The following SLC35E4 variants were observed in gnomAD, a reference collection of about 807,000 sequenced individuals.
The protein encoded by SLC35E4 is solute carrier family 35 member E4, also known as solute carrier family 35, member E4.
SLC35E4 carries 15 observed loss-of-function variants against 19.3 expected under a neutral mutation model. The observed-to-expected ratio is 0.78, with a 90% confidence interval of 0.52 to 1.20. The LOEUF is 1.20. Among genes scored for constraint, SLC35E4 ranks in the 50% most tolerant of loss-of-function variants. The pLI, the probability that SLC35E4 is intolerant of heterozygous loss-of-function variation, is 0.00. For synonymous variants in SLC35E4, 219 were observed against 219.9 expected (o/e 1.00, Z 0.04); for missense variants, 406 against 472.3 (o/e 0.86, Z 1.30).
Position 30,636,604 on chromosome 22 carries a change from G to T in SLC35E4, c.154G>T (p.Ala52Ser). Residue 52 changes from alanine (A) to serine (S), a missense_variant, in exon 1 of 2, where the codon GCA becomes TCA. Coordinates refer to ENST00000343605, the MANE Select transcript of SLC35E4 (RefSeq NM_001001479.4). ...RQPGRARVAM[A>S]ALVWLLAGAS... ...GCCTGGCCGGGCCCGAGTGGCCATG[G>T]CAGCACTGGTGTGGCTGCTGGCGGG... The T allele has an allele frequency of 6.2e-7, 1 of 1,608,774 alleles. No homozygotes were observed. The highest frequency in any genetic ancestry group is 1.3e-5 in the African/African-American group (1 of 74,920).
At chr22:30,642,729 CAA>C (rs34842452) in intron 1 of SLC35E4, among the ~76,000 whole-genome samples, 63 of 87,110 alleles carry the variant, frequency 7.2e-4, no homozygotes, top group South Asian at 1.6e-3. Context: ...GGCAACATCT[CAA>C]AAAAAAAAAA....
intron 1 of SLC35E4, 52 bp downstream of exon 1, chr22:30,637,121 G>T (rs760028825): frequency 1.3e-6 from 2 of 1,522,546 alleles, no homozygotes; most frequent in South Asian, 1.3e-5. Context: ...TGGGTGCATG[G>T]CCTGGATGGC....
chr22:30,651,044 G>A (rs1236425821), downstream of SLC35E4, among the ~76,000 whole-genome samples: 2 of 151,554 alleles, frequency 1.3e-5, no homozygotes, highest in African/African-American at 2.4e-5. Flanking sequence ...CCCCTGGAAG[G>A]AGTAGCTCCT....
At chr22:30,650,515 AAAAG>A (rs1426699923), downstream of SLC35E4, among the ~76,000 whole-genome samples, 2 of 152,098 alleles carry the variant, frequency 1.3e-5, no homozygotes, top group Non-Finnish European at 2.9e-5. Flanking sequence ...ACAAAAATAA[AAAAG>A]AACAGGGGCT....
intron 1 of SLC35E4, among the ~76,000 whole-genome samples, chr22:30,639,381 G>A (rs2087999607): frequency 6.6e-6 from 1 of 152,266 alleles, no homozygotes; most frequent in Non-Finnish European, 1.5e-5. Context: ...GGACCGGGGT[G>A]AAATTAAAAT....
intron 1 of SLC35E4, among the ~76,000 whole-genome samples, chr22:30,643,806 G>C (rs1227452042): frequency 6.6e-6 from 1 of 152,222 alleles, no homozygotes; most frequent in Admixed American, 6.5e-5. Flanking sequence ...AGGGTCAGCT[G>C]TTGTCTGCAT....
chr22:30,649,045 G>T (rs1374499615), downstream of SLC35E4: 1 of 623,776 alleles, frequency 1.6e-6, no homozygotes, highest in Non-Finnish European at 3.0e-6. Context: ...ACTCTCCCCA[G>T]CCAGCTACCT....
intron 2 of SLC35E4, among the ~76,000 whole-genome samples, chr22:30,658,513 C>A (rs966230877): frequency 1.3e-5 from 2 of 151,906 alleles, no homozygotes; most frequent in Non-Finnish European, 1.5e-5. Context: ...GGGGAATCTC[C>A]GTTGCCTTTT....
intron 1 of SLC35E4, 104 bp from the exon 2 acceptor site, chr22:30,646,493 AG>A (rs2088131233): frequency 7.5e-7 from 1 of 1,327,278 alleles, no homozygotes; most frequent in African/African-American, 1.5e-5. Flanking sequence ...GCCCTGCCCG[AG>A]GGGTCCGGGT....
chr22:30,651,374 TGTGTGTG>T (rs2088208598), downstream of SLC35E4, among the ~76,000 whole-genome samples: 3 of 19,430 alleles, frequency 1.5e-4, no homozygotes, highest in Non-Finnish European at 2.2e-4. Flanking sequence ...CTAATTTTTG[TGTGTGTG>T]TGTGTGTGTG....
chr22:30,668,661 A>T (rs200277587), exon 3 of SLC35E4: 1 of 152,160 alleles, frequency 6.6e-6, no homozygotes, highest in Non-Finnish European at 1.5e-5. Flanking sequence ...GGTCCTCCCC[A>T]GCTCGAACCC....
chr22:30,636,359 C>A lies in SLC35E4; in HGVS notation c.-92C>A. On this transcript the variant is annotated 5_prime_UTR_variant, in exon 1 of 2. Coordinates refer to ENST00000343605, the MANE Select transcript of SLC35E4 (RefSeq NM_001001479.4). ...GAAACGGGACACGGGGTCGGAGGAA[C>A]CAGGATCTAGCCTGGCCCCAAGCGG... 2 of 1,423,596 alleles carry A rather than the reference C, an allele frequency of 1.4e-6. No individual in the cohort carries two copies. Among genetic ancestry groups the A allele is most frequent in the East Asian group, 2.5e-5 (1 of 39,702 alleles). 88.2% of individuals were successfully genotyped at this position (1,423,596 alleles called of 1,614,324 possible). A position where few individuals can be genotyped will look rare whatever the true frequency, so the allele number is the denominator to read the frequency against.
Position 30,636,699 on chromosome 22 carries a change from G to A in SLC35E4, c.249G>A (p.Ser83=), listed in dbSNP as rs766206711. Residue 83 remains serine, a synonymous_variant, in exon 1 of 2, where the codon TCG becomes TCA. Coordinates refer to ENST00000343605, the MANE Select transcript of SLC35E4 (RefSeq NM_001001479.4). ...GCTTTGGGCGGCCCCTGCTGCTGTC[G>A]GCCCTGCACATGCTGGTGGCAGCCC... ...VHGFGRPLLL[S]ALHMLVAALA... The A allele has an allele frequency of 4.3e-6, 7 of 1,611,460 alleles. No homozygotes were observed. The Middle Eastern group carries it at 6.6e-4, about 152-fold the overall frequency.
chr22:30,649,010 C>T (rs2088173756), downstream of SLC35E4: 1 of 595,278 alleles, frequency 1.7e-6, no homozygotes, highest in Non-Finnish European at 3.1e-6. Context: ...ACCTCTGAGC[C>T]TTTCCTTGGC....
At chr22:30,665,166 C>T (rs557116406), downstream of SLC35E4, 1 of 170,622 alleles carries the variant, frequency 5.9e-6, no homozygotes, top group South Asian at 1.3e-4. Context: ...GAAATAGGGA[C>T]ATTTGGATTT....
downstream of SLC35E4, chr22:30,663,457 G>A (rs142285924): frequency 3.1e-4 from 498 of 1,610,728 alleles, 1 homozygote; most frequent in East Asian, 4.0e-3. Context: ...ATCATCAAAC[G>A]GACTTCCTTC....
downstream of SLC35E4, among the ~76,000 whole-genome samples, chr22:30,665,305 T>C (rs2088608877): frequency 6.6e-6 from 1 of 152,230 alleles, no homozygotes; most frequent in Non-Finnish European, 1.5e-5. Context: ...GCCACTTAGT[T>C]TGGCTGTCAA....
downstream of SLC35E4, chr22:30,663,922 A>G: frequency 6.2e-7 from 1 of 1,614,184 alleles, no homozygotes; most frequent in Non-Finnish European, 8.5e-7. Context: ...TTGCTGATAT[A>G]CAGGCTTTTG....
chr22:30,659,397 G>C (rs1339294989), intron 2 of SLC35E4, among the ~76,000 whole-genome samples: 3 of 151,954 alleles, frequency 2.0e-5, no homozygotes, highest in Admixed American at 6.6e-5. Context: ...TTTTGAGATG[G>C]AGTTTCACTC....
Sources: gnomAD v4.1 joint callset for allele counts (sites outside exome capture counted in the v4.1 genomes callset) on GRCh38, gnomAD v4.1.1 for gene constraint, MANE v1.5 for transcripts, NCBI Gene and HGNC (gene_info 2026-07-23, HGNC 2026-07-21) for gene names.